The following RBFOX1 variants were observed in gnomAD, a reference collection of about 807,000 sequenced individuals.
The protein encoded by RBFOX1 is RNA binding fox-1 homolog 1, also known as RNA binding protein fox-1 homolog 1.
A neutral mutation model predicts 57.7 loss-of-function variants in RBFOX1; 8 were observed. The ratio of observed to expected loss-of-function variants is 0.14; its 90% CI spans 0.08 to 0.25. The LOEUF (loss-of-function observed/expected upper bound fraction) is 0.25, where lower values mean the gene tolerates loss of function less well. RBFOX1 is among the 10% of genes least tolerant of loss of function. RBFOX1 has a pLI of 1.00. For synonymous variants in RBFOX1, 326 were observed against 222.4 expected (o/e 1.47, Z -4.15); for missense variants, 611 against 548.5 (o/e 1.11, Z -1.14).
intron 3 of RBFOX1, among the ~76,000 whole-genome samples, chr16:6,931,340 T>TACACACACAC (rs1555640313): frequency 3.7e-5 from 4 of 107,012 alleles, no homozygotes; most frequent in African/African-American, 9.9e-5. Flanking sequence ...TATCTATCTC[T>TACACACACAC]ACACACACAC....
chr16:6,267,557 G>T (rs67607023), intron 1 of RBFOX1, among the ~76,000 whole-genome samples: 14,387 of 152,206 alleles, frequency 0.095, 852 homozygotes, highest in Non-Finnish European at 0.12. Flanking sequence ...AGAGAAGCTA[G>T]AGTCTTATCT....
intron 4 of RBFOX1, among the ~76,000 whole-genome samples, chr16:7,251,812 C>A (rs2094508779): frequency 6.6e-6 from 1 of 152,146 alleles, no homozygotes. Flanking sequence ...GCAGATATCC[C>A]TTCAAAATAC....
chr16:7,310,492 C>A (rs2096283051), intron 4 of RBFOX1, among the ~76,000 whole-genome samples: 1 of 152,008 alleles, frequency 6.6e-6, no homozygotes, highest in African/African-American at 2.4e-5. Flanking sequence ...TGTGGAGCAC[C>A]CAGAGTCCTG....
chr16:5,607,337 T>G (rs1300398324), intron 3 of RBFOX1, among the ~76,000 whole-genome samples: 2 of 152,174 alleles, frequency 1.3e-5, no homozygotes, highest in Non-Finnish European at 2.9e-5. Flanking sequence ...ATGGTTCTGA[T>G]TAAAGGAAGT....
chr16:6,816,508 A>T (rs934355281), intron 3 of RBFOX1, among the ~76,000 whole-genome samples: 1 of 151,292 alleles, frequency 6.6e-6, no homozygotes, highest in Non-Finnish European at 1.5e-5. Flanking sequence ...TTGGGAAGCC[A>T]AGGCGGACAG....
intron 2 of RBFOX1, among the ~76,000 whole-genome samples, chr16:6,645,551 T>C (rs1290333742): frequency 6.6e-6 from 1 of 152,014 alleles, no homozygotes; most frequent in South Asian, 2.1e-4. Flanking sequence ...ACACACCAAG[T>C]GTAGAAGAAA....
At chr16:5,820,936 A>T (rs2055828842) in intron 3 of RBFOX1, among the ~76,000 whole-genome samples, 1 of 152,084 alleles carries the variant, frequency 6.6e-6, no homozygotes, top group Non-Finnish European at 1.5e-5. Flanking sequence ...GTTTAAGGGG[A>T]TCCCTCATCA....
At chr16:7,700,610 C>A (rs529044701) in intron 14 of RBFOX1, among the ~76,000 whole-genome samples, 1 of 151,870 alleles carries the variant, frequency 6.6e-6, no homozygotes, top group Non-Finnish European at 1.5e-5. Context: ...CAGGAGTAGA[C>A]AAACAAAGGA....
At position 5,425,065 on chromosome 16, in the gene RBFOX1, T is replaced by TTATCTATC. The variant is rs71280727; in HGVS notation, c.220-42101_220-42094dup. ...TCTCTCTCTCTCCTTCCTTCCTTTC[T>TTATCTATC]TATCTATCTATCTATCTATCTATCT... On this transcript the variant is annotated intron_variant, in intron 1 of 2. Coordinates refer to the RBFOX1 transcript ENST00000585867. Among the ~76,000 whole-genome samples the TTATCTATC allele has an allele frequency of 5.5e-3, 376 of 68,616 alleles. 4 individuals carry two copies. The highest frequency in any genetic ancestry group is 6.3e-3 in the East Asian group (11 of 1,750). The allele number at this position is 68,616 out of a possible 152,430, so 45.0% of individuals were successfully genotyped here.
intron 3 of RBFOX1, among the ~76,000 whole-genome samples, chr16:7,006,722 A>G (rs1378369467): frequency 1.3e-5 from 2 of 152,166 alleles, no homozygotes; most frequent in African/African-American, 4.8e-5. Context: ...TGCTGGGATT[A>G]CGGACATGAG....
rs138321198 is a variant in RBFOX1 at position 6,958,522 on chromosome 16, C to T, written c.-15-93535C>T. Among the ~76,000 whole-genome samples the T allele has an allele frequency of 1.9e-3, 283 of 152,228 alleles. 3 individuals are homozygous for T. Among genetic ancestry groups the T allele is most frequent in the African/African-American group, 6.7e-3 (280 of 41,548 alleles). Reference sequence around the variant, plus strand: ...AATGGTCTGTTGACTTATTCAATAACAGAGGAAACACATGGATTGTTTTAA... The same window carrying T: ...AATGGTCTGTTGACTTATTCAATAATAGAGGAAACACATGGATTGTTTTAA... On this transcript the variant is annotated intron_variant, in intron 3 of 15. Transcript: ENST00000550418.
chr16:5,853,855 A>C (rs1852981882), intron 3 of RBFOX1, among the ~76,000 whole-genome samples: 1 of 152,148 alleles, frequency 6.6e-6, no homozygotes, highest in African/African-American at 2.4e-5. Flanking sequence ...TCCTGGCCTC[A>C]AGCAATTGTC....
At position 6,939,718 on chromosome 16, in the gene RBFOX1, G is replaced by T. The variant is rs116856652; in HGVS notation, c.-15-112339G>T. On this transcript the variant is annotated intron_variant, in intron 3 of 15. Transcript: ENST00000550418. ...GTAGAGTTGAGGCTTCACTATGTTG[G>T]CCGGGCTGGTCTCAGACTCCTGGCC... Among the ~76,000 whole-genome samples the T allele has an allele frequency of 9.2e-5, 14 of 151,988 alleles. No homozygotes were observed. In the East Asian group the frequency reaches 2.5e-3, roughly 27 times the overall value.
At chr16:7,703,191 A>G (rs1026330703) in intron 14 of RBFOX1, among the ~76,000 whole-genome samples, 2 of 152,184 alleles carry the variant, frequency 1.3e-5, no homozygotes, top group African/African-American at 4.8e-5. Flanking sequence ...ACTTAAGACT[A>G]TGCCTTAGAT....
intron 2 of RBFOX1, among the ~76,000 whole-genome samples, chr16:6,445,665 C>G (rs1051710451): frequency 6.6e-6 from 1 of 151,692 alleles, no homozygotes; most frequent in East Asian, 1.9e-4. Context: ...TCACAGCAAC[C>G]TCCACCCCCT....
At chr16:5,355,237 C>T (rs976713538) in intron 1 of RBFOX1, among the ~76,000 whole-genome samples, 1 of 152,086 alleles carries the variant, frequency 6.6e-6, no homozygotes, top group Non-Finnish European at 1.5e-5. Flanking sequence ...CAGGCCCCAG[C>T]AGGAAATGGC....
At chr16:5,963,707 G>A (rs1179942319) in intron 4 of RBFOX1, among the ~76,000 whole-genome samples, 1 of 152,156 alleles carries the variant, frequency 6.6e-6, no homozygotes, top group Non-Finnish European at 1.5e-5. Flanking sequence ...ATATCCAGAG[G>A]CAGAAGAGTG....
chr16:7,362,069 G>A lies in RBFOX1; in HGVS notation c.28-156078G>A, dbSNP rs138529698. Among the ~76,000 whole-genome samples the A allele has an allele frequency of 9.2e-4, 139 of 151,188 alleles. 1 individual carries two copies. Among genetic ancestry groups the A allele is most frequent in the African/African-American group, 3.1e-3 (129 of 41,166 alleles). Reference sequence around the variant, plus strand: ...GTGTGTTTTGTGTATATGTTAGTACGTGTTTTTTGGTGTTAGTTTGCATAT... The same window carrying A: ...GTGTGTTTTGTGTATATGTTAGTACATGTTTTTTGGTGTTAGTTTGCATAT... On this transcript the variant is annotated intron_variant, in intron 4 of 15. Transcript: ENST00000550418.
intron 2 of RBFOX1, among the ~76,000 whole-genome samples, chr16:6,362,074 G>A (rs948140358): frequency 6.6e-6 from 1 of 151,988 alleles, no homozygotes; most frequent in Non-Finnish European, 1.5e-5. Flanking sequence ...TAGAAATCAG[G>A]TTCACGTGGC....
Sources: gnomAD v4.1 joint callset for allele counts (sites outside exome capture counted in the v4.1 genomes callset) on GRCh38, gnomAD v4.1.1 for gene constraint, MANE v1.5 for transcripts, NCBI Gene and HGNC (gene_info 2026-07-23, HGNC 2026-07-21) for gene names.